TJP1: variants seen among roughly 807,000 people sequenced by gnomAD.
The protein encoded by TJP1 is tight junction protein ZO-1.
A neutral mutation model predicts 194.2 loss-of-function variants in TJP1; 43 were observed. The observed-to-expected ratio is 0.22, with a 90% CI of 0.17 to 0.29. The LOEUF (loss-of-function observed/expected upper bound fraction) is 0.29. TJP1 is among the 10% of genes least tolerant of loss of function. The probability of loss-of-function intolerance (pLI) is 1.00; values close to 1 mark genes in which losing one functional copy is unlikely to be tolerated. For synonymous variants in TJP1, 801 were observed against 779.0 expected (o/e 1.03, Z -0.47); for missense variants, 1,971 against 2,185.7 (o/e 0.90, Z 1.96).
chr15:29,915,261 G>A (rs1455301188), intron 2 of TJP1, among the ~76,000 whole-genome samples: 1 of 152,166 alleles, frequency 6.6e-6, no homozygotes, highest in Admixed American at 6.5e-5. Flanking sequence ...AATAACTGGT[G>A]AGTAAATGTG....
chr15:29,907,646 G>C (rs1015816074), intron 2 of TJP1, among the ~76,000 whole-genome samples: 3 of 152,098 alleles, frequency 2.0e-5, no homozygotes, highest in Admixed American at 1.3e-4. Context: ...AAGGGTCTAA[G>C]AAACCTAAGA....
intron 9 of TJP1, 72 bp from the exon 10 acceptor site, chr15:29,741,508 A>T: frequency 1.0e-6 from 1 of 972,364 alleles, no homozygotes; most frequent in Non-Finnish European, 1.6e-6. Flanking sequence ...ACCAAGCAAT[A>T]TATGATTCAT....
Position 29,734,192 on chromosome 15 carries a change from A to G in TJP1, c.1516+82T>C, listed in dbSNP as rs561045915. 35 of 993,914 alleles carry G rather than the reference A, an allele frequency of 3.5e-5. No individual in the cohort carries two copies. In the African/African-American group the frequency reaches 5.6e-4, roughly 16 times the overall value. 61.6% of individuals were successfully genotyped at this position (993,914 alleles called of 1,614,324 possible). On this transcript the variant is annotated intron_variant, in intron 12 of 27. Coordinates refer to ENST00000614355, the MANE Select transcript of TJP1 (RefSeq NM_001330239.4). ...TTCATCACTCAACTATGAGTGACTT[A>G]TTTTTTAAAAATGGAATAAATCCCT... is the stretch of plus-strand genomic sequence containing the variant.
At chr15:29,745,315 A>AC (rs1391268919) in intron 8 of TJP1, among the ~76,000 whole-genome samples, 3 of 151,418 alleles carry the variant, frequency 2.0e-5, no homozygotes, top group Non-Finnish European at 2.9e-5. Flanking sequence ...AAAAAAAAAA[A>AC]AACTTAATGA....
chr15:29,880,308 CA>C (rs2052879328), intron 2 of TJP1, among the ~76,000 whole-genome samples: 1 of 152,134 alleles, frequency 6.6e-6, no homozygotes, highest in African/African-American at 2.4e-5. Context: ...AATTGATATA[CA>C]AAGAACTGCA....
chr15:29,833,870 TA>T (rs1223857453), intron 2 of TJP1, among the ~76,000 whole-genome samples: 1 of 24,394 alleles, frequency 4.1e-5, no homozygotes, highest in African/African-American at 1.4e-4. Flanking sequence ...TATATATATA[TA>T]TATATATATA....
rs558847568 is a variant in TJP1 at position 29,852,060 on chromosome 15, C to T, written c.307-51358G>A. On this transcript the variant is annotated intron_variant, in intron 2 of 28. Coordinates refer to the TJP1 transcript ENST00000356107. ...ATGAGAAAATCTTTGAGCTCTCAAG[C>T]TAGGCAAAAATTTCTTAGACCTGAC... Among the ~76,000 whole-genome samples, 54 of 152,234 alleles carry T rather than the reference C, an allele frequency of 3.5e-4. 3 individuals are homozygous for T. In the South Asian group the frequency reaches 0.011, roughly 30 times the overall value.
chr15:29,719,231 TA>T, intron 20 of TJP1, 93 bp from the exon 21 acceptor site: 1 of 1,333,250 alleles, frequency 7.5e-7, no homozygotes, highest in Non-Finnish European at 1.0e-6. Context: ...TACGATTTAA[TA>T]TGTGAAAATG....
intron 2 of TJP1, among the ~76,000 whole-genome samples, chr15:29,954,712 T>C (rs1268440774): frequency 6.6e-6 from 1 of 152,136 alleles, no homozygotes; most frequent in Non-Finnish European, 1.5e-5. Flanking sequence ...GTAAAATGCT[T>C]GAATAAAATT....
chr15:29,755,931 C>T (rs1024691907), intron 8 of TJP1, among the ~76,000 whole-genome samples: 1 of 152,052 alleles, frequency 6.6e-6, no homozygotes, highest in African/African-American at 2.4e-5. Context: ...ATCATGCTCA[C>T]TTTTATAAAA....
chr15:29,822,445 C>T lies in TJP1; in HGVS notation c.-417G>A, dbSNP rs2050467908. 1.0e-6 allele frequency: 1 copy of T among 987,088 alleles called. No homozygotes were observed. The highest frequency in any genetic ancestry group is 1.2e-6 in the Non-Finnish European group (1 of 831,190). 61.1% of individuals were successfully genotyped at this position (987,088 alleles called of 1,614,324 possible). ...GGAACGCGGCGTCCGCTGGCTCAGC[C>T]GGCGCCGGCAACTCAGCGGCCACGC... On this transcript the variant is annotated 5_prime_UTR_variant, in exon 1 of 28. Transcript: ENST00000614355.
intron 22 of TJP1, 64 bp downstream of exon 22, chr15:29,717,957 T>C (rs2042668276): frequency 7.2e-7 from 1 of 1,396,548 alleles, no homozygotes; most frequent in Non-Finnish European, 1.0e-6. Context: ...AAGGTTTTCT[T>C]ATTGACTAAG....
Position 29,716,738 on chromosome 15 carries a change from G to T in TJP1, c.4075C>A (p.Leu1359Met), listed in dbSNP as rs550607027. The T allele has an allele frequency of 2.5e-6, 4 of 1,614,140 alleles. No individual in the cohort carries two copies. The African/African-American group carries it at 5.3e-5, about 22-fold the overall frequency. ...EEDEEYYRKQLSYFDRRSFEN... is the reference protein window; with the variant it reads ...EEDEEYYRKQMSYFDRRSFEN... ...AAACTTCTTCGGTCAAAGTATGACA[G>T]CTGTTTTCGATAATATTCTTCATCT... The change falls in exon 23 of 28, where the codon CTG (leucine) becomes ATG (methionine). Residue 1359 changes from leucine to methionine, a missense_variant. Coordinates refer to ENST00000614355, the MANE Select transcript of TJP1 (RefSeq NM_001330239.4).
chr15:29,708,787 C>T lies in TJP1; in HGVS notation c.4622G>A (p.Arg1541His), dbSNP rs1186442962. The T allele has an allele frequency of 1.2e-5, 20 of 1,614,194 alleles. No individual in the cohort carries two copies. The highest frequency in any genetic ancestry group is 1.7e-4 in the Middle Eastern group (1 of 6,060). Residue 1541 changes from arginine (R) to histidine (H), a missense_variant, in exon 25 of 28, where the codon CGC becomes CAC. Coordinates refer to ENST00000614355, the MANE Select transcript of TJP1 (RefSeq NM_001330239.4). ...ATTGAATTTAGGACTTTCAAACTTG[C>T]GTTCAAATGGTCGGGCAGAACTTGT... ...PYTSSARPFERKFESPKFNHN... is the reference protein window; with the variant it reads ...PYTSSARPFEHKFESPKFNHN...
intron 1 of TJP1, among the ~76,000 whole-genome samples, chr15:29,967,366 T>C (rs1489694313): frequency 6.6e-6 from 1 of 150,938 alleles, no homozygotes; most frequent in Non-Finnish European, 1.5e-5. Context: ...AATAAATTTA[T>C]TTAAAAAAAA....
chr15:29,924,578 A>C (rs1029468188), intron 2 of TJP1, among the ~76,000 whole-genome samples: 14 of 152,212 alleles, frequency 9.2e-5, no homozygotes, highest in African/African-American at 3.4e-4. Context: ...TATGTATATT[A>C]TACATTTCTA....
intron 2 of TJP1, among the ~76,000 whole-genome samples, chr15:29,835,255 A>G (rs997665148): frequency 9.2e-5 from 14 of 152,214 alleles, no homozygotes; most frequent in African/African-American, 3.4e-4. Context: ...AAAAGCTCTA[A>G]TTTTAAATGT....
intron 22 of TJP1, among the ~76,000 whole-genome samples, chr15:29,717,744 T>C (rs1318558095): frequency 6.6e-6 from 1 of 152,200 alleles, no homozygotes; most frequent in African/African-American, 2.4e-5. Flanking sequence ...ATAATACAAA[T>C]GTCAGAGCTT....
rs117172351 is a variant in TJP1, at chr15:29,771,072, C to T, written c.312+992G>A. On this transcript the variant is annotated intron_variant, in intron 4 of 27. Transcript: ENST00000614355. ...AACAGGCATATAATTTTTTTATCCA[C>T]TATATATTTTTACTGTACTTTTTCC... 4.8e-3 allele frequency among the ~76,000 whole-genome samples: 733 copies of T among 152,222 alleles called. 30 individuals are homozygous for T. The East Asian group carries it at 0.097, about 20-fold the overall frequency.
Sources: gnomAD v4.1 joint callset for allele counts (sites outside exome capture counted in the v4.1 genomes callset) on GRCh38, gnomAD v4.1.1 for gene constraint, MANE v1.5 for transcripts, NCBI Gene and HGNC (gene_info 2026-07-23, HGNC 2026-07-21) for gene names.